TOGARAM1: variants seen among roughly 807,000 people sequenced by gnomAD.
The protein encoded by TOGARAM1 is TOG array regulator of axonemal microtubules protein 1.
In TOGARAM1, 100 loss-of-function variants were observed where a neutral mutation model predicts 166.6. The ratio of observed to expected loss-of-function variants is 0.60; its 90% CI spans 0.51 to 0.71. The LOEUF (loss-of-function observed/expected upper bound fraction) is 0.71, where lower values mean the gene tolerates loss of function less well. TOGARAM1 is among the 30% of genes least tolerant of loss of function. The pLI is 0.00. For missense variants in TOGARAM1, 2,029 were observed against 2,102.7 expected (o/e 0.96, Z 0.69); for synonymous variants, 758 against 763.8 (o/e 0.99, Z 0.13).
At chr14:44,987,911 A>G (rs1886925669) in intron 1 of TOGARAM1, among the ~76,000 whole-genome samples, 1 of 151,554 alleles carries the variant, frequency 6.6e-6, no homozygotes, top group Admixed American at 6.6e-5. Flanking sequence ...TACACCATGG[A>G]ATACTATGCA....
intron 7 of TOGARAM1, among the ~76,000 whole-genome samples, chr14:45,014,593 A>G (rs1242019954): frequency 6.6e-6 from 1 of 152,206 alleles, no homozygotes; most frequent in Admixed American, 6.5e-5. Context: ...AAAACATAAA[A>G]ATGATAACGC....
intron 19 of TOGARAM1, among the ~76,000 whole-genome samples, chr14:45,072,423 CT>C (rs1036372401): frequency 2.8e-3 from 401 of 143,308 alleles, no homozygotes; most frequent in Non-Finnish European, 2.8e-3. Flanking sequence ...GTCTCTGGAA[CT>C]TTTTTTTTTT....
chr14:45,049,870 G>C (rs528911675), intron 14 of TOGARAM1, among the ~76,000 whole-genome samples: 2 of 151,690 alleles, frequency 1.3e-5, no homozygotes, highest in East Asian at 3.9e-4. Context: ...CATCTCATGT[G>C]CTTCTTTACT....
At chr14:44,991,093 G>T (rs981332755) in intron 1 of TOGARAM1, among the ~76,000 whole-genome samples, 2 of 150,446 alleles carry the variant, frequency 1.3e-5, no homozygotes, top group African/African-American at 4.9e-5. Flanking sequence ...TAAGTTACTG[G>T]GACTACCGGA....
rs764023388 is a variant in TOGARAM1, at chr14:44,964,212, C to T, written c.1791C>T (p.Ala597=). The change falls in exon 1 of 20, where the codon GCC becomes GCT. Residue 597 remains alanine (A), a synonymous_variant. Coordinates refer to ENST00000361462, the MANE Select transcript of TOGARAM1 (RefSeq NM_001308120.2). The part of the protein sequence containing the change: ...VEYAVLMPSS[A]GGRSNHLAHG... ...ATGCAGTACTGATGCCATCTTCTGC[C>T]GGGGGTAGGTCAAACCATTTGGCAC... 1.9e-5 allele frequency: 31 copies of T among 1,614,086 alleles called. No individual in the cohort carries two copies. The highest frequency in any genetic ancestry group is 4.0e-5 in the African/African-American group (3 of 74,994).
intron 1 of TOGARAM1, among the ~76,000 whole-genome samples, chr14:44,988,812 C>T (rs897124349): frequency 6.6e-6 from 1 of 152,238 alleles, no homozygotes; most frequent in African/African-American, 2.4e-5. Context: ...CTGAAGGAAG[C>T]CAGCTGCCAT....
chr14:45,065,416 A>G (rs866030769), intron 16 of TOGARAM1, among the ~76,000 whole-genome samples: 24 of 152,332 alleles, frequency 1.6e-4, no homozygotes, highest in African/African-American at 5.5e-4. Context: ...AAAAGAAAAA[A>G]CATTCACATA....
At chr14:45,037,976 C>T (rs969949503) in intron 11 of TOGARAM1, among the ~76,000 whole-genome samples, 1 of 151,902 alleles carries the variant, frequency 6.6e-6, no homozygotes, top group African/African-American at 2.4e-5. Context: ...CTAGATCGGG[C>T]CACTGCACCC....
At chr14:44,971,495 G>A (rs903821458) in intron 1 of TOGARAM1, among the ~76,000 whole-genome samples, 2 of 152,054 alleles carry the variant, frequency 1.3e-5, no homozygotes, top group Non-Finnish European at 2.9e-5. Context: ...CCAAGAACCC[G>A]AGTTTGTTTT....
chr14:45,015,408 A>G (rs778190484), intron 7 of TOGARAM1, among the ~76,000 whole-genome samples: 10 of 151,462 alleles, frequency 6.6e-5, no homozygotes, highest in African/African-American at 1.2e-4. Flanking sequence ...TTGGAAGTAT[A>G]TATAAAAATG....
chr14:45,045,583 ATGTGTGTGTGTGTG>A (rs1200414644), intron 13 of TOGARAM1, among the ~76,000 whole-genome samples: 55 of 37,428 alleles, frequency 1.5e-3, no homozygotes, highest in Admixed American at 5.5e-3. Context: ...ATATATATAT[ATGTGTGTGTGTGTG>A]TGTGTGTGTG....
At chr14:44,992,108 C>A (rs1474998568) in intron 1 of TOGARAM1, among the ~76,000 whole-genome samples, 318 of 92,992 alleles carry the variant, frequency 3.4e-3, no homozygotes, top group Middle Eastern at 7.4e-3. Flanking sequence ...AAAACCAAAC[C>A]AAAAAAAAAA....
In TOGARAM1 at chr14:44,962,269, C is replaced by A; in HGVS notation, c.-153C>A. On this transcript the variant is annotated 5_prime_UTR_variant, in exon 1 of 20. Coordinates refer to ENST00000361462, the MANE Select transcript of TOGARAM1 (RefSeq NM_001308120.2). ...GGGGCCATTTTGCCAGAGGCTGCCT[C>A]CCGGAGTTGGGGGCGGCCTGGCGGC... 1 of 952,592 alleles carries A rather than the reference C, an allele frequency of 1.0e-6. No homozygotes were observed. The highest frequency in any genetic ancestry group is 1.5e-6 in the Non-Finnish European group (1 of 683,102). 59.0% of individuals were successfully genotyped at this position (952,592 alleles called of 1,614,324 possible).
At chr14:45,015,037 C>T (rs1880034806) in intron 7 of TOGARAM1, among the ~76,000 whole-genome samples, 2 of 152,136 alleles carry the variant, frequency 1.3e-5, no homozygotes, top group South Asian at 4.1e-4. Flanking sequence ...GGCACAGTGG[C>T]TCACACCTCT....
chr14:44,989,839 A>G (rs557625964), intron 1 of TOGARAM1, among the ~76,000 whole-genome samples: 16 of 152,242 alleles, frequency 1.1e-4, no homozygotes, highest in Non-Finnish European at 2.2e-4. Flanking sequence ...TAAAGAAAAG[A>G]AGTTTAATTG....
At chr14:45,015,707 A>G (rs1382097739) in intron 7 of TOGARAM1, among the ~76,000 whole-genome samples, 2 of 152,020 alleles carry the variant, frequency 1.3e-5, no homozygotes, top group Non-Finnish European at 2.9e-5. Context: ...AGGTACTATT[A>G]TCTCTATTTT....
At chr14:45,005,338 C>T (rs1369792415) in intron 4 of TOGARAM1, among the ~76,000 whole-genome samples, 2 of 152,066 alleles carry the variant, frequency 1.3e-5, no homozygotes, top group Admixed American at 6.6e-5. Context: ...AATAAAAAGT[C>T]GACTGAGCGT....
chr14:45,040,880 A>T (rs1881690817), intron 11 of TOGARAM1, among the ~76,000 whole-genome samples: 1 of 151,612 alleles, frequency 6.6e-6, no homozygotes, highest in Non-Finnish European at 1.5e-5. Flanking sequence ...CTCTACTAAA[A>T]ATACAAAAAT....
At chr14:44,972,567 T>G (rs1213405649) in intron 1 of TOGARAM1, among the ~76,000 whole-genome samples, 4 of 152,154 alleles carry the variant, frequency 2.6e-5, no homozygotes, top group African/African-American at 9.6e-5. Flanking sequence ...GGGCACACAT[T>G]AAGAATTGTT....
Sources: gnomAD v4.1 joint callset for allele counts (sites outside exome capture counted in the v4.1 genomes callset) on GRCh38, gnomAD v4.1.1 for gene constraint, MANE v1.5 for transcripts, NCBI Gene and HGNC (gene_info 2026-07-23, HGNC 2026-07-21) for gene names.